Variants in MALRD1 observed in about 807,000 individuals in gnomAD.
The protein encoded by MALRD1 is MAM and LDL receptor class A domain containing 1, also known as MAM and LDL-receptor class A domain-containing protein 1.
Under a neutral mutation model 242.1 loss-of-function variants are expected in MALRD1, and 247 were observed. The ratio of observed to expected loss-of-function variants is 1.02; its 90% CI spans 0.92 to 1.13. MALRD1 has a LOEUF of 1.13. Among genes scored for constraint, MALRD1 ranks in the 50% most tolerant of loss-of-function variants. MALRD1 has a pLI of 0.00. For synonymous variants in MALRD1, 995 were observed against 866.6 expected (o/e 1.15, Z -2.60); for missense variants, 2,989 against 2,533.1 (o/e 1.18, Z -3.86).
intron 21 of MALRD1, among the ~76,000 whole-genome samples, chr10:19,321,759 C>G (rs942514066): frequency 6.6e-6 from 1 of 152,060 alleles, no homozygotes; most frequent in Non-Finnish European, 1.5e-5. Context: ...ACCCATTAAT[C>G]AACTTCACTT....
At chr10:19,442,160 T>C (rs1293168232) in intron 28 of MALRD1, among the ~76,000 whole-genome samples, 1 of 152,210 alleles carries the variant, frequency 6.6e-6, no homozygotes, top group Non-Finnish European at 1.5e-5. Flanking sequence ...ATAGGAATGG[T>C]TGTGATTTTT....
At chr10:19,667,223 G>A (rs1841714551) in intron 36 of MALRD1, among the ~76,000 whole-genome samples, 1 of 152,094 alleles carries the variant, frequency 6.6e-6, no homozygotes. Flanking sequence ...TTAGGAGGCT[G>A]AGGCGAAGGA....
intron 21 of MALRD1, among the ~76,000 whole-genome samples, chr10:19,304,337 ATC>A (rs1158520774): frequency 5.6e-4 from 83 of 148,724 alleles, no homozygotes; most frequent in Non-Finnish European, 6.4e-4. Context: ...TCTATCCCTC[ATC>A]TCTCTCTCTC....
chr10:19,503,998 C>T (rs1030678718), intron 31 of MALRD1, among the ~76,000 whole-genome samples: 2 of 152,188 alleles, frequency 1.3e-5, no homozygotes, highest in African/African-American at 4.8e-5. Context: ...TCTATACTCA[C>T]CACTCAAGGT....
At chr10:19,700,023 CA>C (rs552808415) in intron 38 of MALRD1, among the ~76,000 whole-genome samples, 688 of 44,816 alleles carry the variant, frequency 0.015, 2 homozygotes, top group Non-Finnish European at 0.028. Context: ...TTGATTTAGA[CA>C]CACACACACA....
chr10:19,323,213 A>G (rs1348580224), intron 21 of MALRD1, among the ~76,000 whole-genome samples: 2 of 152,148 alleles, frequency 1.3e-5, no homozygotes, highest in Non-Finnish European at 2.9e-5. Flanking sequence ...GAGACTGATA[A>G]GTTGAAGCCC....
intron 33 of MALRD1, among the ~76,000 whole-genome samples, chr10:19,588,948 C>T (rs1457298305): frequency 1.3e-5 from 2 of 152,178 alleles, no homozygotes; most frequent in East Asian, 3.9e-4. Context: ...CAGTCTAAAG[C>T]AACATTTCTT....
chr10:19,211,835 A>C (rs1227971333), intron 18 of MALRD1, among the ~76,000 whole-genome samples: 1 of 152,098 alleles, frequency 6.6e-6, no homozygotes, highest in Non-Finnish European at 1.5e-5. Context: ...CCAGCATTTT[A>C]ATTAACTGTG....
intron 14 of MALRD1, among the ~76,000 whole-genome samples, chr10:19,195,403 T>C (rs1235152416): frequency 6.6e-6 from 1 of 152,146 alleles, no homozygotes; most frequent in Non-Finnish European, 1.5e-5. Context: ...TTCACTACTG[T>C]AGAAAACTCA....
chr10:19,660,806 A>G (rs1841393755), intron 36 of MALRD1, among the ~76,000 whole-genome samples: 1 of 152,124 alleles, frequency 6.6e-6, no homozygotes, highest in Admixed American at 6.6e-5. Flanking sequence ...TTCCTCAAAT[A>G]ACTATTTTAC....
intron 18 of MALRD1, among the ~76,000 whole-genome samples, chr10:19,231,767 A>G (rs1382005757): frequency 6.6e-6 from 1 of 152,148 alleles, no homozygotes; most frequent in African/African-American, 2.4e-5. Context: ...TGACTTTATT[A>G]GCAGCATGAG....
intron 36 of MALRD1, among the ~76,000 whole-genome samples, chr10:19,689,234 G>C (rs536071728): frequency 1.3e-5 from 2 of 150,292 alleles, no homozygotes; most frequent in African/African-American, 4.9e-5. Flanking sequence ...AGATACCTCT[G>C]TGTGTGTGTG....
chr10:19,436,670 C>T (rs775977877), intron 28 of MALRD1, among the ~76,000 whole-genome samples: 1 of 152,102 alleles, frequency 6.6e-6, no homozygotes, highest in Non-Finnish European at 1.5e-5. Flanking sequence ...ATCTTATTTC[C>T]ACTCATCCGT....
At chr10:19,457,361 T>G (rs1835712857) in intron 29 of MALRD1, among the ~76,000 whole-genome samples, 1 of 152,044 alleles carries the variant, frequency 6.6e-6, no homozygotes, top group Non-Finnish European at 1.5e-5. Context: ...ATAAACTAAT[T>G]ACATAAAGCG....
intron 29 of MALRD1, among the ~76,000 whole-genome samples, chr10:19,453,987 G>C (rs914749516): frequency 6.6e-6 from 1 of 152,146 alleles, no homozygotes; most frequent in Non-Finnish European, 1.5e-5. Context: ...CTAAGCCCAG[G>C]AGTTGGAGGT....
At chr10:19,146,453 T>C (rs17646341) in intron 11 of MALRD1, 109 bp downstream of exon 11, 78,951 of 984,108 alleles carry the variant, frequency 0.08, 3,637 homozygotes, top group Middle Eastern at 0.1. Context: ...CATGGAACTC[T>C]GGTTTGTCTT....
intron 38 of MALRD1, among the ~76,000 whole-genome samples, chr10:19,719,223 C>CATACATACATAT (rs1176551831): frequency 1.3e-5 from 1 of 76,444 alleles, no homozygotes; most frequent in South Asian, 3.9e-4. Flanking sequence ...CACATACATA[C>CATACATACATAT]ATATATATAT....
At chr10:19,475,919 G>A (rs1221211624) in intron 29 of MALRD1, among the ~76,000 whole-genome samples, 1 of 152,168 alleles carries the variant, frequency 6.6e-6, no homozygotes, top group Non-Finnish European at 1.5e-5. Context: ...GTTTGGGAAA[G>A]TTATATTTCC....
intron 31 of MALRD1, among the ~76,000 whole-genome samples, chr10:19,515,031 T>C (rs781090667): frequency 5.3e-5 from 8 of 152,134 alleles, no homozygotes; most frequent in Non-Finnish European, 7.4e-5. Flanking sequence ...GTTTGTTTTA[T>C]ACTTTTTTCT....
Sources: gnomAD v4.1 joint callset for allele counts (sites outside exome capture counted in the v4.1 genomes callset) on GRCh38, gnomAD v4.1.1 for gene constraint, MANE v1.5 for transcripts, NCBI Gene and HGNC (gene_info 2026-07-23, HGNC 2026-07-21) for gene names.